KCNB2: variants seen among roughly 807,000 people sequenced by gnomAD.
KCNB2 encodes potassium voltage-gated channel subfamily B member 2, also known as delayed rectifier potassium channel protein.
A neutral mutation model predicts 61.5 loss-of-function variants in KCNB2; 15 were observed. The ratio of observed to expected loss-of-function variants is 0.24; its 90% CI spans 0.16 to 0.38. KCNB2 has a LOEUF of 0.38. KCNB2 is among the 10% of genes least tolerant of loss of function. KCNB2 has a pLI of 1.00. For missense variants in KCNB2, 828 were observed against 1,125.2 expected (o/e 0.74, Z 3.78); for synonymous variants, 457 against 446.0 (o/e 1.02, Z -0.31).
At chr8:72,573,953 A>G (rs1050548236) in intron 2 of KCNB2, among the ~76,000 whole-genome samples, 2 of 152,194 alleles carry the variant, frequency 1.3e-5, no homozygotes, top group African/African-American at 4.8e-5. Flanking sequence ...AGCAGTTTGT[A>G]TTCTTCCAAC....
intron 1 of KCNB2, among the ~76,000 whole-genome samples, chr8:72,552,030 C>G (rs145413504): frequency 6.6e-6 from 1 of 152,078 alleles, no homozygotes; most frequent in East Asian, 1.9e-4. Context: ...GATGATGAAG[C>G]GCCAAACCAT....
chr8:72,839,599 C>CTTTTTTTTTT lies in KCNB2; in HGVS notation c.580-96314_580-96305dup, dbSNP rs10561095. On this transcript the variant is annotated intron_variant, in intron 2 of 2. Coordinates refer to ENST00000523207, the MANE Select transcript of KCNB2 (RefSeq NM_004770.3). ...CCTTGAGCTAAACTTTGAAAGGCTT[C>CTTTTTTTTTT]TTTTTTTTTTTTTTTTTTTTTTTTT... is the stretch of plus-strand genomic sequence containing the variant. 1.1e-4 allele frequency among the ~76,000 whole-genome samples: 10 copies of CTTTTTTTTTT among 87,658 alleles called. 2 individuals are homozygous for CTTTTTTTTTT. Among genetic ancestry groups the CTTTTTTTTTT allele is most frequent in the African/African-American group, 3.9e-4 (8 of 20,442 alleles). The allele number at this position is 87,658 out of a possible 152,430, so 57.5% of individuals were successfully genotyped here. A position where few individuals can be genotyped will look rare whatever the true frequency, so the allele number is the denominator to read the frequency against.
chr8:72,798,312 C>A (rs557672645), intron 2 of KCNB2, among the ~76,000 whole-genome samples: 5 of 152,286 alleles, frequency 3.3e-5, no homozygotes, highest in Admixed American at 2.0e-4. Flanking sequence ...TAATCCAAAA[C>A]AAACATGCAA....
intron 2 of KCNB2, among the ~76,000 whole-genome samples, chr8:72,652,190 T>C (rs1430157327): frequency 2.0e-5 from 3 of 152,174 alleles, no homozygotes; most frequent in Non-Finnish European, 4.4e-5. Context: ...AGAATATTGG[T>C]ATAATATACT....
At chr8:72,726,771 T>G (rs1157204266) in intron 2 of KCNB2, among the ~76,000 whole-genome samples, 1 of 152,222 alleles carries the variant, frequency 6.6e-6, no homozygotes, top group East Asian at 1.9e-4. Context: ...GAGATTTTTT[T>G]GTTGGTTGTT....
intron 2 of KCNB2, among the ~76,000 whole-genome samples, chr8:72,923,104 A>T (rs572518068): frequency 6.6e-6 from 1 of 152,180 alleles, no homozygotes; most frequent in East Asian, 1.9e-4. Context: ...GTTTGTCCAA[A>T]AACCTGGAAT....
intron 2 of KCNB2, among the ~76,000 whole-genome samples, chr8:72,700,300 CAT>C (rs1462084407): frequency 3.9e-5 from 6 of 152,120 alleles, no homozygotes; most frequent in African/African-American, 1.2e-4. Flanking sequence ...CACCATGACA[CAT>C]GTGTACCTAT....
At chr8:72,888,545 C>T (rs1805842998) in intron 2 of KCNB2, among the ~76,000 whole-genome samples, 1 of 152,164 alleles carries the variant, frequency 6.6e-6, no homozygotes, top group Non-Finnish European at 1.5e-5. Context: ...TTCTTAAGCC[C>T]TTGGCTCAGG....
At chr8:72,839,686 C>T (rs1365792088) in intron 2 of KCNB2, among the ~76,000 whole-genome samples, 9 of 136,648 alleles carry the variant, frequency 6.6e-5, no homozygotes, top group Non-Finnish European at 1.2e-4. Flanking sequence ...GATCTCGGCT[C>T]GCTGCAAGCT....
chr8:72,872,723 A>C (rs1217348136), intron 2 of KCNB2, among the ~76,000 whole-genome samples: 1 of 152,244 alleles, frequency 6.6e-6, no homozygotes, highest in Non-Finnish European at 1.5e-5. Context: ...AGTTAGAAAC[A>C]TGGTCTCCAT....
chr8:72,843,135 G>A (rs527957173), intron 2 of KCNB2, among the ~76,000 whole-genome samples: 15 of 152,132 alleles, frequency 9.9e-5, no homozygotes, highest in African/African-American at 3.4e-4. Context: ...AGTACACTTT[G>A]TCTTTGTTCT....
intron 2 of KCNB2, among the ~76,000 whole-genome samples, chr8:72,645,703 G>A (rs773291226): frequency 6.6e-6 from 1 of 152,102 alleles, no homozygotes; most frequent in Non-Finnish European, 1.5e-5. Context: ...ATTATGTTCT[G>A]ATGCTTTTTT....
intron 2 of KCNB2, among the ~76,000 whole-genome samples, chr8:72,920,467 A>ATATGTGTGTG (rs1333914273): frequency 0.059 from 5,217 of 88,106 alleles, 1,174 homozygotes; most frequent in Middle Eastern, 0.11. Flanking sequence ...CTATCTATCT[A>ATATGTGTGTG]TCTATCTATA....
At chr8:72,847,633 C>G (rs1011016896) in intron 2 of KCNB2, among the ~76,000 whole-genome samples, 1 of 152,120 alleles carries the variant, frequency 6.6e-6, no homozygotes, top group Non-Finnish European at 1.5e-5. Flanking sequence ...ATTTGATGGA[C>G]TCATCTGTTG....
intron 2 of KCNB2, among the ~76,000 whole-genome samples, chr8:72,579,086 T>G (rs533723067): frequency 6.6e-6 from 1 of 152,318 alleles, no homozygotes; most frequent in South Asian, 2.1e-4. Flanking sequence ...CTTTCTTCCT[T>G]CAGCCATGAT....
At chr8:72,870,521 A>G (rs961567408) in intron 2 of KCNB2, among the ~76,000 whole-genome samples, 2 of 152,194 alleles carry the variant, frequency 1.3e-5, no homozygotes, top group Non-Finnish European at 2.9e-5. Flanking sequence ...TCCTCATGTT[A>G]TGTTCTCATC....
chr8:72,918,541 C>T (rs185376473), intron 2 of KCNB2, among the ~76,000 whole-genome samples: 2 of 152,282 alleles, frequency 1.3e-5, no homozygotes, highest in South Asian at 2.1e-4. Flanking sequence ...ATTCAATAGG[C>T]ATTTAAGATA....
At chr8:72,747,866 T>A (rs1168466459) in intron 2 of KCNB2, among the ~76,000 whole-genome samples, 1 of 152,222 alleles carries the variant, frequency 6.6e-6, no homozygotes, top group Non-Finnish European at 1.5e-5. Context: ...ATGATGCACT[T>A]TTTATTTTAG....
At chr8:72,581,362 A>G (rs912800554) in intron 2 of KCNB2, among the ~76,000 whole-genome samples, 1 of 152,210 alleles carries the variant, frequency 6.6e-6, no homozygotes, top group Middle Eastern at 3.4e-3. Context: ...TAATCTCATG[A>G]TTTTGACTGT....
Sources: allele counts gnomAD v4.1 joint callset (sites outside exome capture counted in the v4.1 genomes callset), GRCh38; gene constraint gnomAD v4.1.1; transcripts MANE v1.5; gene names NCBI Gene and HGNC (gene_info 2026-07-23, HGNC 2026-07-21).